Variants in GSN observed in about 807,000 individuals in gnomAD.
GSN encodes actin-depolymerizing factor.
In GSN, 56 loss-of-function variants were observed where a neutral mutation model predicts 85.7. That is an observed-to-expected ratio of 0.65 (90% CI 0.53 to 0.82). The LOEUF is 0.82. GSN is among the 40% of genes least tolerant of loss of function. The pLI is 0.00. For missense variants in GSN, 857 were observed against 979.8 expected (o/e 0.87, Z 1.67); for synonymous variants, 373 against 399.1 (o/e 0.93, Z 0.78).
chr9:121,223,742 C>A (rs1001623019), intron 4 of GSN, among the ~76,000 whole-genome samples: 2 of 152,126 alleles, frequency 1.3e-5, no homozygotes, highest in African/African-American at 4.8e-5. Flanking sequence ...TCGCTGCAAA[C>A]CCTGCCTTCT....
At chr9:121,211,518 G>A (rs1459579430) in intron 4 of GSN, among the ~76,000 whole-genome samples, 1 of 152,170 alleles carries the variant, frequency 6.6e-6, no homozygotes, top group Non-Finnish European at 1.5e-5. Context: ...ACTTCCAGGT[G>A]TAAAAGTTGC....
chr9:121,258,711 C>A (rs1269813782), intron 6 of GSN, among the ~76,000 whole-genome samples: 1 of 151,330 alleles, frequency 6.6e-6, no homozygotes, highest in Non-Finnish European at 1.5e-5. Flanking sequence ...TAGCCTTGAC[C>A]AATTCTATTA....
intron 5 of GSN, among the ~76,000 whole-genome samples, chr9:121,235,159 T>C (rs2054468721): frequency 6.6e-6 from 1 of 152,224 alleles, no homozygotes. Context: ...GAATCCGAGT[T>C]TGGCTTTAGC....
chr9:121,286,134 C>A (rs1003652873), intron 2 of GSN: 38 of 1,535,476 alleles, frequency 2.5e-5, no homozygotes, highest in South Asian at 1.5e-4. Flanking sequence ...TAGCTCCCCC[C>A]AGCCTCGCGA....
rs753425599 is a variant in GSN at position 121,299,972 on chromosome 9, G to A, written c.-9-1991G>A. 2.0e-5 allele frequency: 27 copies of A among 1,330,610 alleles called. No homozygotes were observed. Among genetic ancestry groups the A allele is most frequent in the East Asian group, 2.9e-5 (1 of 34,138 alleles). 82.4% of individuals were successfully genotyped at this position (1,330,610 alleles called of 1,614,324 possible). On this transcript the variant is annotated intron_variant, in intron 2 of 17. Coordinates refer to ENST00000432226, the MANE Select transcript of GSN (RefSeq NM_198252.3). This position sits in a 1 kb window ranked among gnomAD's most constrained non-coding sequence, Gnocchi z 4.2. ...CTGCGTCGCGGGGGGCGTCCCAGGC[G>A]GGGGCGCCCCAGGGGCGGGTGCCCG...
chr9:121,328,131 A>G (rs1202943719), intron 14 of GSN, among the ~76,000 whole-genome samples: 2 of 152,192 alleles, frequency 1.3e-5, no homozygotes, highest in African/African-American at 4.8e-5. Context: ...TAGACTCTCC[A>G]TGGACAGAAA....
At chr9:121,250,564 G>C (rs1229112827) in intron 6 of GSN, among the ~76,000 whole-genome samples, 1 of 149,376 alleles carries the variant, frequency 6.7e-6, no homozygotes, top group Non-Finnish European at 1.5e-5. Flanking sequence ...TTGAGATAGG[G>C]TCTGGCTCTG....
In GSN at chr9:121,234,347, A is replaced by G. The variant is rs568520795; in HGVS notation, c.-389+3044A>G. Among the ~76,000 whole-genome samples, 13 of 152,292 alleles carry G rather than the reference A, an allele frequency of 8.5e-5. No homozygotes were observed. The East Asian group carries it at 2.3e-3, about 27-fold the overall frequency. On this transcript the variant is annotated intron_variant, in intron 5 of 24. Coordinates refer to the GSN transcript ENST00000373823. ...GCCTCACTGCTACATCTTGAAAAGT[A>G]ATAGAGAGACACAGGAAATGGCATC...
rs1280404857 is a variant in GSN, at chr9:121,244,355, G to A, written c.-388-3921G>A. On this transcript the variant is annotated intron_variant, in intron 5 of 24. Coordinates refer to the GSN transcript ENST00000373823. ...TCATGTCTCTTGAGTAAATATGTAG[G>A]AAAAGGATTGTTGGCCGTATTATAA... Among the ~76,000 whole-genome samples the A allele has an allele frequency of 2.0e-5, 3 of 152,190 alleles. No homozygotes were observed. The South Asian group carries it at 6.2e-4, about 31-fold the overall frequency.
chr9:121,319,244 A>G (rs1159431396), intron 10 of GSN, among the ~76,000 whole-genome samples: 4 of 152,150 alleles, frequency 2.6e-5, no homozygotes, highest in South Asian at 2.1e-4. Flanking sequence ...TGGGTCTCAG[A>G]GGAGGAGTAG....
At chr9:121,293,536 G>A (rs2058901243) in intron 2 of GSN, among the ~76,000 whole-genome samples, 1 of 151,874 alleles carries the variant, frequency 6.6e-6, no homozygotes, top group South Asian at 2.1e-4. Flanking sequence ...ATCACTTGAG[G>A]TTAGGAGTTC....
chr9:121,325,335 G>A (rs1240101513), intron 12 of GSN, among the ~76,000 whole-genome samples: 1 of 152,206 alleles, frequency 6.6e-6, no homozygotes, highest in Non-Finnish European at 1.5e-5. Flanking sequence ...AGTTGCCCAG[G>A]CAGAGTGAAG....
chr9:121,323,479 C>G (rs2062757109), intron 11 of GSN, among the ~76,000 whole-genome samples: 1 of 147,916 alleles, frequency 6.8e-6, no homozygotes, highest in East Asian at 2.2e-4. Context: ...AAGCAATTCT[C>G]CTGCCTCAGC....
intron 4 of GSN, among the ~76,000 whole-genome samples, chr9:121,213,642 TA>T (rs1204717761): frequency 1.3e-5 from 2 of 152,194 alleles, no homozygotes; most frequent in African/African-American, 4.8e-5. Context: ...GCTGTTGTAT[TA>T]ATATTAATTG....
chr9:121,238,866 T>G (rs2054547865), intron 5 of GSN: 2 of 530,322 alleles, frequency 3.8e-6, no homozygotes, highest in Non-Finnish European at 7.7e-6. Context: ...TTGTACATCC[T>G]TCCCAATAGC....
At chr9:121,228,308 C>G (rs1026405990) in intron 4 of GSN, among the ~76,000 whole-genome samples, 40 of 149,328 alleles carry the variant, frequency 2.7e-4, no homozygotes, top group African/African-American at 9.2e-4. Flanking sequence ...CTTATTTGAT[C>G]TTGGATAACT....
chr9:121,254,190 C>A (rs1588491483), intron 6 of GSN, among the ~76,000 whole-genome samples: 2 of 152,200 alleles, frequency 1.3e-5, no homozygotes, highest in African/African-American at 4.8e-5. Context: ...CTGCATAATA[C>A]AGTTGGGGCA....
At chr9:121,201,723 AG>A in the GSN span, 1 of 151,182 alleles carries the variant, frequency 6.6e-6, no homozygotes, top group Non-Finnish European at 1.5e-5. Flanking sequence ...GCAGCGGGAG[AG>A]GGGGCGGGGG....
chr9:121,314,137 G>C, intron 7 of GSN, 114 bp downstream of exon 7: 1 of 837,230 alleles, frequency 1.2e-6, no homozygotes, highest in Non-Finnish European at 2.0e-6. Flanking sequence ...CCTTTGGAGG[G>C]GGGCCTCAGC....
Sources: allele counts gnomAD v4.1 joint callset (sites outside exome capture counted in the v4.1 genomes callset), GRCh38; gene constraint gnomAD v4.1.1; non-coding constraint Gnocchi (gnomAD v3.1); transcripts MANE v1.5; gene names NCBI Gene and HGNC (gene_info 2026-07-23, HGNC 2026-07-21).